SPATA17: variants seen among roughly 807,000 people sequenced by gnomAD.
SPATA17 encodes spermatogenesis-associated protein 17.
In SPATA17, 53 loss-of-function variants were observed where a neutral mutation model predicts 62.2. The ratio of observed to expected loss-of-function variants is 0.85; its 90% confidence interval spans 0.68 to 1.07. The LOEUF is 1.07. SPATA17 is among the 50% of genes least tolerant of loss of function. The pLI, the probability that SPATA17 is intolerant of heterozygous loss-of-function variation, is 0.00. For missense variants in SPATA17, 466 were observed against 425.5 expected (o/e 1.10, Z -0.84); for synonymous variants, 146 against 146.8 (o/e 0.99, Z 0.04).
intron 6 of SPATA17, among the ~76,000 whole-genome samples, chr1:217,758,664 G>C (rs1218714427): frequency 6.6e-6 from 1 of 152,184 alleles, no homozygotes; most frequent in African/African-American, 2.4e-5. Flanking sequence ...GATGATTGAT[G>C]TTAGAGCCTT....
At chr1:217,704,472 G>A (rs987164586) in intron 5 of SPATA17, among the ~76,000 whole-genome samples, 6 of 150,212 alleles carry the variant, frequency 4.0e-5, no homozygotes, top group East Asian at 2.0e-4. Context: ...GGATGGTCTC[G>A]ATCTCCTGAC....
At chr1:217,659,703 C>T (rs996921282) in intron 3 of SPATA17, among the ~76,000 whole-genome samples, 4 of 152,096 alleles carry the variant, frequency 2.6e-5, no homozygotes, top group African/African-American at 7.2e-5. Context: ...CCCAAATTGG[C>T]TCGTCCTATA....
At chr1:217,645,675 A>C (rs1040671534) in intron 1 of SPATA17, among the ~76,000 whole-genome samples, 1 of 152,054 alleles carries the variant, frequency 6.6e-6, no homozygotes, top group Non-Finnish European at 1.5e-5. Flanking sequence ...TTTTTTCCAC[A>C]TTCTATCTTC....
At chr1:217,663,233 T>G (rs1670609584) in intron 3 of SPATA17, among the ~76,000 whole-genome samples, 1 of 151,994 alleles carries the variant, frequency 6.6e-6, no homozygotes. Flanking sequence ...TCACCTGAGG[T>G]CAGGAGTTCG....
chr1:217,789,499 C>T (rs1673948562), intron 8 of SPATA17, among the ~76,000 whole-genome samples: 1 of 152,134 alleles, frequency 6.6e-6, no homozygotes, highest in Non-Finnish European at 1.5e-5. Flanking sequence ...CAAAAAGATT[C>T]AAGGAAGCTC....
intron 3 of SPATA17, among the ~76,000 whole-genome samples, chr1:217,653,109 T>C (rs1245449031): frequency 6.6e-6 from 1 of 152,216 alleles, no homozygotes; most frequent in Admixed American, 6.5e-5. Context: ...CTCTCACTTA[T>C]GCATAATCAC....
intron 9 of SPATA17, among the ~76,000 whole-genome samples, chr1:217,859,801 G>T (rs1462843014): frequency 6.6e-6 from 1 of 151,994 alleles, no homozygotes; most frequent in African/African-American, 2.4e-5. Context: ...TTTTGTCTTG[G>T]TTCACCTGGT....
At position 217,774,403 on chromosome 1, in the gene SPATA17, A is replaced by C. The variant is rs759024566; in HGVS notation, c.589A>C (p.Lys197Gln). ...ATGGGAGCTGCAATTACAGAAGGCA[A>C]AGCCTTTAACACACCGAAGACCTAA... The part of the protein sequence containing the change: ...DPWELQLQKA[K>Q]PLTHRRPKVK... The change falls in exon 7 of 11, where the codon AAG becomes CAG. Residue 197 changes from lysine to glutamine, a missense_variant. Transcript: ENST00000366933. 1 of 1,613,968 alleles carries C rather than the reference A, an allele frequency of 6.2e-7. No individual in the cohort carries two copies. The highest frequency in any genetic ancestry group is 1.1e-5 in the South Asian group (1 of 91,078).
intron 5 of SPATA17, among the ~76,000 whole-genome samples, chr1:217,714,022 G>A (rs1246199855): frequency 6.6e-6 from 1 of 152,136 alleles, no homozygotes; most frequent in Non-Finnish European, 1.5e-5. Flanking sequence ...ATGGGGATTG[G>A]AAATCACAAA....
chr1:217,866,085 T>C (rs566701560), intron 10 of SPATA17, among the ~76,000 whole-genome samples: 15 of 152,126 alleles, frequency 9.9e-5, no homozygotes, highest in Non-Finnish European at 2.1e-4. Context: ...TTAGCAACTG[T>C]GTATGGAAAA....
intron 5 of SPATA17, among the ~76,000 whole-genome samples, chr1:217,732,241 T>G (rs1275694180): frequency 3.9e-5 from 6 of 152,194 alleles, no homozygotes; most frequent in Non-Finnish European, 1.5e-5. Context: ...CAAAACTCAT[T>G]AGATAATTTC....
chr1:217,800,653 C>A (rs1674287938), intron 8 of SPATA17, among the ~76,000 whole-genome samples: 1 of 152,072 alleles, frequency 6.6e-6, no homozygotes, highest in South Asian at 2.1e-4. Flanking sequence ...TGAGCTTTTC[C>A]ATGGTTCTGC....
intron 6 of SPATA17, among the ~76,000 whole-genome samples, chr1:217,761,451 T>C (rs1449273484): frequency 6.6e-6 from 1 of 152,176 alleles, no homozygotes; most frequent in Non-Finnish European, 1.5e-5. Context: ...CTCCACAGAA[T>C]AGTGTACTTC....
chr1:217,844,976 A>G (rs1268873763), intron 9 of SPATA17, among the ~76,000 whole-genome samples: 2 of 152,070 alleles, frequency 1.3e-5, no homozygotes, highest in Non-Finnish European at 2.9e-5. Context: ...GCCAAATACT[A>G]CATGCATAAT....
intron 5 of SPATA17, among the ~76,000 whole-genome samples, chr1:217,701,015 T>C (rs1466859914): frequency 6.6e-6 from 1 of 151,764 alleles, no homozygotes; most frequent in Non-Finnish European, 1.5e-5. Flanking sequence ...TGCTCTGTCA[T>C]CCAGGCTGGA....
At chr1:217,725,906 G>T (rs1672248695) in intron 5 of SPATA17, among the ~76,000 whole-genome samples, 1 of 152,128 alleles carries the variant, frequency 6.6e-6, no homozygotes, top group Non-Finnish European at 1.5e-5. Flanking sequence ...TTTTATGATT[G>T]TCTTAATATA....
intron 5 of SPATA17, among the ~76,000 whole-genome samples, chr1:217,684,710 C>T (rs1425632840): frequency 6.6e-6 from 1 of 152,136 alleles, no homozygotes; most frequent in African/African-American, 2.4e-5. Context: ...GCCACTGCGC[C>T]CAGCCCCTTA....
chr1:217,830,237 T>A (rs536806650), intron 9 of SPATA17, among the ~76,000 whole-genome samples: 8 of 152,286 alleles, frequency 5.3e-5, no homozygotes, highest in Non-Finnish European at 1.0e-4. Flanking sequence ...TGAAAATTAT[T>A]TTTGGTAAAT....
At chr1:217,772,694 A>C (rs1673479766) in intron 6 of SPATA17, among the ~76,000 whole-genome samples, 1 of 152,194 alleles carries the variant, frequency 6.6e-6, no homozygotes, top group Non-Finnish European at 1.5e-5. Context: ...TTGTTATTCT[A>C]GATAAGCATT....
Sources: allele counts gnomAD v4.1 joint callset (sites outside exome capture counted in the v4.1 genomes callset), GRCh38; gene constraint gnomAD v4.1.1; transcripts MANE v1.5; gene names NCBI Gene and HGNC (gene_info 2026-07-23, HGNC 2026-07-21).